The following LCORL variants were observed in gnomAD, a reference collection of about 807,000 sequenced individuals.
LCORL encodes ligand-dependent nuclear receptor corepressor-like protein.
LCORL carries 41 observed loss-of-function variants against 141.8 expected under a neutral mutation model. That is an observed-to-expected ratio of 0.29 (90% CI 0.23 to 0.38). The LOEUF (loss-of-function observed/expected upper bound fraction) is 0.38. LCORL is among the 10% of genes least tolerant of loss of function. LCORL has a pLI of 1.00. For synonymous variants in LCORL, 618 were observed against 694.1 expected (o/e 0.89, Z 1.72); for missense variants, 1,759 against 2,035.0 (o/e 0.86, Z 2.61).
intron 4 of LCORL, among the ~76,000 whole-genome samples, chr4:17,940,555 A>G: frequency 8.0e-6 from 1 of 125,138 alleles, no homozygotes; most frequent in East Asian, 2.4e-4. Context: ...TATAAAATCT[A>G]GTAGTAAGTC....
intron 1 of LCORL, among the ~76,000 whole-genome samples, chr4:17,996,115 G>A (rs1392013383): frequency 2.0e-5 from 3 of 152,058 alleles, no homozygotes; most frequent in Non-Finnish European, 2.9e-5. Flanking sequence ...CAATTCAAAT[G>A]TGTGAACCAG....
chr4:18,003,549 T>C (rs1214949610), intron 1 of LCORL, among the ~76,000 whole-genome samples: 3 of 152,188 alleles, frequency 2.0e-5, no homozygotes, highest in Non-Finnish European at 4.4e-5. Context: ...CAAAAGTAAC[T>C]GCAGTTTTTG....
intron 1 of LCORL, among the ~76,000 whole-genome samples, chr4:17,978,064 C>T (rs1717306813): frequency 6.6e-6 from 1 of 152,164 alleles, no homozygotes; most frequent in Non-Finnish European, 1.5e-5. Flanking sequence ...ACTTAGCAAA[C>T]TTTAATAGCA....
chr4:17,991,245 T>G (rs1165497406), intron 1 of LCORL, among the ~76,000 whole-genome samples: 1 of 152,224 alleles, frequency 6.6e-6, no homozygotes, highest in Non-Finnish European at 1.5e-5. Flanking sequence ...CCCTGCTCAT[T>G]CATTCTTCTT....
At chr4:17,950,718 G>A (rs1739584100) in intron 4 of LCORL, among the ~76,000 whole-genome samples, 1 of 151,748 alleles carries the variant, frequency 6.6e-6, no homozygotes, top group Admixed American at 6.6e-5. Context: ...ATGTTTATAA[G>A]TGAAAAAATC....
chr4:17,964,839 C>T (rs553158468), intron 2 of LCORL, among the ~76,000 whole-genome samples: 1 of 149,602 alleles, frequency 6.7e-6, no homozygotes, highest in African/African-American at 2.5e-5. Flanking sequence ...TAACATAATT[C>T]TGATAGGTCA....
intron 1 of LCORL, among the ~76,000 whole-genome samples, chr4:18,019,074 TCGACAA>T (rs1389892435): frequency 6.6e-6 from 1 of 152,210 alleles, no homozygotes; most frequent in Non-Finnish European, 1.5e-5. Flanking sequence ...AAAAGCCCAA[TCGACAA>T]GTGTATACTC....
chr4:18,000,539 C>A (rs533470463), intron 1 of LCORL, among the ~76,000 whole-genome samples: 6 of 152,228 alleles, frequency 3.9e-5, no homozygotes, highest in African/African-American at 1.4e-4. Context: ...CCTAAATATC[C>A]TTCAAAGATG....
intron 1 of LCORL, among the ~76,000 whole-genome samples, chr4:18,004,303 T>C (rs993074489): frequency 6.6e-6 from 1 of 152,168 alleles, no homozygotes; most frequent in Admixed American, 6.5e-5. Context: ...AACAAAGACA[T>C]ATCCAAGACT....
At chr4:18,016,104 G>A (rs1288156833) in intron 1 of LCORL, among the ~76,000 whole-genome samples, 1 of 151,876 alleles carries the variant, frequency 6.6e-6, no homozygotes, top group Non-Finnish European at 1.5e-5. Context: ...TGTTCATCAG[G>A]ATTCCTACCA....
intron 4 of LCORL, among the ~76,000 whole-genome samples, chr4:17,933,788 T>A (rs1000569666): frequency 1.3e-5 from 2 of 152,102 alleles, no homozygotes; most frequent in African/African-American, 4.8e-5. Flanking sequence ...ACAGAGATAA[T>A]CTGGATGAAA....
At chr4:17,963,224 G>A (rs1714205716) in intron 2 of LCORL, among the ~76,000 whole-genome samples, 175 bp from the exon 3 acceptor site, 1 of 152,120 alleles carries the variant, frequency 6.6e-6, no homozygotes, top group African/African-American at 2.4e-5. Flanking sequence ...AGAGAAGGCT[G>A]TAAGGAGAGT....
intron 6 of LCORL, chr4:17,882,445 T>C: frequency 2.0e-6 from 2 of 984,696 alleles, no homozygotes; most frequent in Non-Finnish European, 2.4e-6. Flanking sequence ...TTGACCCATA[T>C]TTTAAAACTG....
chr4:17,993,472 T>C (rs959118425), intron 1 of LCORL, among the ~76,000 whole-genome samples: 1 of 152,108 alleles, frequency 6.6e-6, no homozygotes, highest in Non-Finnish European at 1.5e-5. Context: ...CCCAAAGTGC[T>C]GGGATTACAG....
chr4:18,009,533 T>C (rs1049516389), intron 1 of LCORL, among the ~76,000 whole-genome samples: 1 of 152,034 alleles, frequency 6.6e-6, no homozygotes, highest in African/African-American at 2.4e-5. Context: ...CAGGCTCTAA[T>C]ACCTTGGACT....
chr4:17,871,297 T>TAAAACTTTAAGCA (rs1726310691), intron 7 of LCORL, among the ~76,000 whole-genome samples: 1 of 151,788 alleles, frequency 6.6e-6, no homozygotes, highest in Non-Finnish European at 1.5e-5. Flanking sequence ...GAAAGATAGA[T>TAAAACTTTAAGCA]AAAACTTTAA....
intron 1 of LCORL, among the ~76,000 whole-genome samples, chr4:17,992,047 G>A (rs1399476943): frequency 6.6e-6 from 1 of 152,080 alleles, no homozygotes; most frequent in Non-Finnish European, 1.5e-5. Context: ...GTACCATAAC[G>A]TTTTTGATAT....
At chr4:17,911,521 C>T (rs1027630115) in intron 4 of LCORL, among the ~76,000 whole-genome samples, 10 of 152,126 alleles carry the variant, frequency 6.6e-5, no homozygotes, top group East Asian at 5.8e-4. Flanking sequence ...ATTAACTACA[C>T]GGTAAAGCTT....
exon 8 of LCORL, chr4:17,841,633 C>T (rs940937461): frequency 3.3e-5 from 5 of 151,756 alleles, no homozygotes; most frequent in Non-Finnish European, 5.9e-5. Context: ...ATGAGAACAC[C>T]ATCCTTTTTA....
Sources: allele counts gnomAD v4.1 joint callset (sites outside exome capture counted in the v4.1 genomes callset), GRCh38; gene constraint gnomAD v4.1.1; transcripts MANE v1.5; gene names NCBI Gene and HGNC (gene_info 2026-07-23, HGNC 2026-07-21).